Variants in TRPS1 observed in about 807,000 individuals in gnomAD.
The protein encoded by TRPS1 is transcriptional repressor GATA binding 1.
Under a neutral mutation model 101.2 loss-of-function variants are expected in TRPS1, and 6 were observed. The observed-to-expected ratio is 0.06, with a 90% CI of 0.03 to 0.12. The LOEUF (loss-of-function observed/expected upper bound fraction) is 0.12. Ranked by LOEUF, TRPS1 falls within the 10% of genes least tolerant of loss-of-function variation. The pLI is 1.00. For synonymous variants in TRPS1, 578 were observed against 589.8 expected (o/e 0.98, Z 0.29); for missense variants, 1,363 against 1,567.0 (o/e 0.87, Z 2.20).
intron 4 of TRPS1, among the ~76,000 whole-genome samples, chr8:115,590,384 T>C (rs1817654198): frequency 6.6e-6 from 1 of 152,188 alleles, no homozygotes; most frequent in Admixed American, 6.5e-5. Flanking sequence ...TTGAATTCTC[T>C]AAAGAAATCC....
rs528598364 is a variant in TRPS1 at position 115,642,863 on chromosome 8, T to A, written c.-121-19105A>T. ...TCGTGAAAAAAAATATATATATATA[T>A]AAATATATATATTTAACGTTATATA... On this transcript the variant is annotated intron_variant, in intron 1 of 6. Transcript: ENST00000395715. 1.4e-3 allele frequency among the ~76,000 whole-genome samples: 199 copies of A among 145,572 alleles called. 2 individuals carry two copies. In the East Asian group the frequency reaches 0.025, roughly 18 times the overall value.
At chr8:115,474,100 C>T (rs1384539502) in intron 5 of TRPS1, among the ~76,000 whole-genome samples, 2 of 152,096 alleles carry the variant, frequency 1.3e-5, no homozygotes, top group Non-Finnish European at 2.9e-5. Flanking sequence ...CATTTTCTAA[C>T]CACAGAAACC....
rs1363590260 is a variant in TRPS1, at chr8:115,501,812, CT to C, written c.2701-83361del. 6.6e-5 allele frequency among the ~76,000 whole-genome samples: 10 copies of C among 152,304 alleles called. No individual in the cohort carries two copies. In the South Asian group the frequency reaches 1.9e-3, roughly 28 times the overall value. On this transcript the variant is annotated intron_variant, in intron 5 of 6. Transcript: ENST00000395715. ...TCCTAAATTTCTATGAAACCCACCC[CT>C]ATCCTACTTCTCTAAATCCAGTCTA...
Position 115,414,707 on chromosome 8 carries a change from G to C in TRPS1, c.3201C>G (p.Ser1067=). 6.2e-7 allele frequency: 1 copy of C among 1,613,988 alleles called. No homozygotes were observed. Among genetic ancestry groups the C allele is most frequent in the African/African-American group, 1.3e-5 (1 of 75,004 alleles). ...ESTGDPGNSS[S]VSEGKGSSER... is the part of the protein sequence containing the mutation. The stretch of plus-strand genomic sequence containing the variant: ...CAGAACTTCCTTTCCCTTCAGATAC[G>C]GATGAACTATTTCCTGGATCTCCAG... Residue 1067 remains serine, a synonymous_variant, in exon 7 of 7, where the codon TCC becomes TCG. Coordinates refer to ENST00000395715, the MANE Select transcript of TRPS1 (RefSeq NM_014112.5). This position sits in a 1 kb window ranked among gnomAD's most constrained non-coding sequence, Gnocchi z 4.8.
chr8:115,483,651 G>C (rs1299600978), intron 5 of TRPS1, among the ~76,000 whole-genome samples: 1 of 152,102 alleles, frequency 6.6e-6, no homozygotes, highest in Non-Finnish European at 1.5e-5. Context: ...CTCACAGCAA[G>C]GAAGTGGCAA....
chr8:115,519,769 T>G (rs1486028471), intron 5 of TRPS1, among the ~76,000 whole-genome samples: 14 of 151,644 alleles, frequency 9.2e-5, no homozygotes, highest in Admixed American at 9.2e-4. Context: ...GTCTTAAGTC[T>G]GTATTTACTA....
At chr8:115,422,411 G>C (rs970981223) in intron 5 of TRPS1, among the ~76,000 whole-genome samples, 5 of 150,878 alleles carry the variant, frequency 3.3e-5, no homozygotes, top group African/African-American at 4.9e-5. Context: ...CTGTTGCCCA[G>C]GCTGGAGGGC....
At chr8:115,455,148 A>T (rs1012623600) in intron 5 of TRPS1, among the ~76,000 whole-genome samples, 2 of 152,240 alleles carry the variant, frequency 1.3e-5, no homozygotes, top group African/African-American at 2.4e-5. Flanking sequence ...GTTCTCTAAT[A>T]GCCTATCTTA....
chr8:115,445,744 G>A lies in TRPS1; in HGVS notation c.2701-27292C>T, dbSNP rs147417819. 1.2e-4 allele frequency among the ~76,000 whole-genome samples: 18 copies of A among 152,144 alleles called. No homozygotes were observed. In the East Asian group the frequency reaches 3.5e-3, roughly 29 times the overall value. ...CTTTCAAGACATGGCTTTAATAAAA[G>A]GCTAAAATCGCAGAAGGTGAGATAG... On this transcript the variant is annotated intron_variant, in intron 5 of 6. Coordinates refer to ENST00000395715, the MANE Select transcript of TRPS1 (RefSeq NM_014112.5).
intron 1 of TRPS1, among the ~76,000 whole-genome samples, chr8:115,663,082 T>C (rs1200714004): frequency 6.6e-6 from 1 of 152,002 alleles, no homozygotes; most frequent in African/African-American, 2.4e-5. Flanking sequence ...CAAAAACTGT[T>C]TAAGTTACGG....
chr8:115,503,979 C>G (rs1220571552), intron 5 of TRPS1, among the ~76,000 whole-genome samples: 1 of 152,158 alleles, frequency 6.6e-6, no homozygotes, highest in Non-Finnish European at 1.5e-5. Flanking sequence ...GTGAAATCCC[C>G]AAATGTGTGT....
At chr8:115,660,202 T>C (rs372718030) in intron 1 of TRPS1, among the ~76,000 whole-genome samples, 3 of 152,016 alleles carry the variant, frequency 2.0e-5, no homozygotes, top group Admixed American at 6.6e-5. Flanking sequence ...TGTAGAGAAA[T>C]TGAAATAGCA....
chr8:115,666,323 A>G (rs1374376112), intron 1 of TRPS1, among the ~76,000 whole-genome samples: 3 of 151,926 alleles, frequency 2.0e-5, no homozygotes, highest in Non-Finnish European at 4.4e-5. Context: ...TCATTTCCAG[A>G]CTGTCCTGTC....
chr8:115,542,019 CAA>C (rs991797578), intron 5 of TRPS1, among the ~76,000 whole-genome samples: 1 of 152,076 alleles, frequency 6.6e-6, no homozygotes, highest in Non-Finnish European at 1.5e-5. Flanking sequence ...AGAACTTCTG[CAA>C]AAGAGATTAA....
chr8:115,456,110 G>C (rs1814017117), intron 5 of TRPS1, among the ~76,000 whole-genome samples: 1 of 152,056 alleles, frequency 6.6e-6, no homozygotes, highest in Non-Finnish European at 1.5e-5. Context: ...CTTTCTAAAA[G>C]AAGAAAATAC....
At chr8:115,466,712 T>A (rs537516010) in intron 5 of TRPS1, among the ~76,000 whole-genome samples, 2 of 152,292 alleles carry the variant, frequency 1.3e-5, no homozygotes, top group African/African-American at 4.8e-5. Flanking sequence ...TAGGGACTGC[T>A]CTTTTCATGT....
intron 5 of TRPS1, among the ~76,000 whole-genome samples, chr8:115,453,243 A>T (rs1350520519): frequency 6.6e-6 from 1 of 151,968 alleles, no homozygotes; most frequent in Non-Finnish European, 1.5e-5. Context: ...CTGGTCTTGA[A>T]CTTCTGACCT....
chr8:115,527,444 G>A (rs1385829366), intron 5 of TRPS1, among the ~76,000 whole-genome samples: 1 of 151,864 alleles, frequency 6.6e-6, no homozygotes, highest in Non-Finnish European at 1.5e-5. Flanking sequence ...TACTATTCCT[G>A]ACAACTTAAC....
At chr8:115,524,766 G>GA (rs1302715203) in intron 5 of TRPS1, among the ~76,000 whole-genome samples, 3 of 151,552 alleles carry the variant, frequency 2.0e-5, no homozygotes, top group East Asian at 1.9e-4. Context: ...GAGCTTCTTT[G>GA]AAAAAAAATC....
Sources: allele counts gnomAD v4.1 joint callset (sites outside exome capture counted in the v4.1 genomes callset), GRCh38; gene constraint gnomAD v4.1.1; non-coding constraint Gnocchi (gnomAD v3.1); transcripts MANE v1.5; gene names NCBI Gene and HGNC (gene_info 2026-07-23, HGNC 2026-07-21).